Variants in SVEP1 observed in about 807,000 individuals in gnomAD.
SVEP1 encodes the protein sushi, von Willebrand factor type A, EGF and pentraxin domain containing 1, also known as sushi, von Willebrand factor type A, EGF and pentraxin domain-containing protein 1.
In SVEP1, 164 loss-of-function variants were observed where a neutral mutation model predicts 367.3. That is an observed-to-expected ratio of 0.45 (90% CI 0.39 to 0.51). The LOEUF (loss-of-function observed/expected upper bound fraction) is 0.51, where lower values mean the gene tolerates loss of function less well. SVEP1 is among the 20% of genes least tolerant of loss of function. The pLI is 0.00. For synonymous variants in SVEP1, 1,666 were observed against 1,611.6 expected (o/e 1.03, Z -0.81); for missense variants, 4,117 against 4,425.3 (o/e 0.93, Z 1.98).
At chr9:110,394,687 G>A (rs7855687) in intron 40 of SVEP1, among the ~76,000 whole-genome samples, 40,035 of 152,094 alleles carry the variant, frequency 0.26, 5,614 homozygotes, top group Middle Eastern at 0.38. Context: ...ACCAAGGCAC[G>A]AGAACTACGT....
At chr9:110,463,050 A>G (rs1260526682) in intron 18 of SVEP1, among the ~76,000 whole-genome samples, 1 of 152,074 alleles carries the variant, frequency 6.6e-6, no homozygotes, top group Non-Finnish European at 1.5e-5. Context: ...TGTACACCTT[A>G]ATTATAGATC....
At chr9:110,470,105 T>C (rs938264371) in intron 16 of SVEP1, among the ~76,000 whole-genome samples, 1 of 152,118 alleles carries the variant, frequency 6.6e-6, no homozygotes, top group African/African-American at 2.4e-5. Context: ...GATTTCCTTA[T>C]CTATAAATGA....
At chr9:110,512,849 G>C (rs1423431861) in intron 5 of SVEP1, 77 bp downstream of exon 5, 3 of 1,524,076 alleles carry the variant, frequency 2.0e-6, no homozygotes, top group Non-Finnish European at 1.8e-6. Flanking sequence ...ATGAAGAACT[G>C]ACTGGTTTAC....
At chr9:110,464,326 A>G (rs1828904015) in intron 18 of SVEP1, among the ~76,000 whole-genome samples, 1 of 152,238 alleles carries the variant, frequency 6.6e-6, no homozygotes, top group African/African-American at 2.4e-5. Flanking sequence ...GTTGATGAAT[A>G]TTACTTGCCC....
chr9:110,406,403 G>A lies in SVEP1; in HGVS notation c.9197C>T (p.Ser3066Phe), dbSNP rs1347166860. ...GAACGCATTTGGTATCATTGGAAGAGAACCACAAGAAGTGTGTTCACAGTG... is the reference window on the plus strand; with the variant it reads ...GAACGCATTTGGTATCATTGGAAGAAAACCACAAGAAGTGTGTTCACAGTG... ...FPHCEHTSCG[S>F]LPMIPNAFIS... is the part of the protein sequence containing the mutation. The change falls in exon 38 of 48, where the codon TCT (serine) becomes TTT (phenylalanine). Residue 3066 changes from serine to phenylalanine, a missense_variant. Ser to Phe is a radical substitution (Grantham distance 155, BLOSUM62 -2). Around this residue, in one of 4 missense-constraint regions of SVEP1, gnomAD observed 1,765 missense variants for 1,781.1 expected, o/e 0.99. Transcript: ENST00000374469. 3 of 1,613,932 alleles carry A rather than the reference G, an allele frequency of 1.9e-6. No homozygotes were observed. In the Admixed American group the frequency reaches 5.0e-5, roughly 27 times the overall value.
chr9:110,566,547 T>G (rs1419623062), intron 1 of SVEP1, among the ~76,000 whole-genome samples: 1 of 152,068 alleles, frequency 6.6e-6, no homozygotes, highest in Non-Finnish European at 1.5e-5. Flanking sequence ...CCAATTACAA[T>G]GCAACCAACA....
At chr9:110,470,338 A>C (rs1221703127) in intron 16 of SVEP1, among the ~76,000 whole-genome samples, 4 of 152,072 alleles carry the variant, frequency 2.6e-5, no homozygotes, top group African/African-American at 4.8e-5. Flanking sequence ...AAAATGGTTA[A>C]TTTTATGTTA....
chr9:110,390,355 A>ATAAGTATGTG (rs1452479835), intron 40 of SVEP1, among the ~76,000 whole-genome samples: 3,801 of 111,522 alleles, frequency 0.034, 747 homozygotes, highest in Non-Finnish European at 0.049. Context: ...ATACACTTAT[A>ATAAGTATGTG]TATATATACT....
At chr9:110,548,934 G>A (rs1830251337) in intron 2 of SVEP1, among the ~76,000 whole-genome samples, 1 of 152,168 alleles carries the variant, frequency 6.6e-6, no homozygotes, top group African/African-American at 2.4e-5. Context: ...ACCAGCCTGA[G>A]CAACATAGCG....
chr9:110,435,525 T>C (rs1217622786), intron 28 of SVEP1, among the ~76,000 whole-genome samples, 161 bp from the exon 29 acceptor site: 1 of 152,174 alleles, frequency 6.6e-6, no homozygotes, highest in Non-Finnish European at 1.5e-5. Flanking sequence ...TCTCTTCTGT[T>C]TCCCTCTCTC....
chr9:110,570,678 A>C (rs1307278942), intron 1 of SVEP1, among the ~76,000 whole-genome samples: 2 of 152,090 alleles, frequency 1.3e-5, no homozygotes, highest in East Asian at 3.9e-4. Context: ...ACGGGGTTTC[A>C]CTATGTTGGC....
At chr9:110,380,573 G>A (rs569334273) in intron 43 of SVEP1, among the ~76,000 whole-genome samples, 24 of 152,228 alleles carry the variant, frequency 1.6e-4, no homozygotes, top group Non-Finnish European at 2.6e-4. Context: ...GCTTTTTGAT[G>A]TGCTGCTGGA....
intron 18 of SVEP1, among the ~76,000 whole-genome samples, chr9:110,461,879 A>G (rs926749348): frequency 6.6e-6 from 1 of 152,194 alleles, no homozygotes; most frequent in Non-Finnish European, 1.5e-5. Context: ...TGATTGATAG[A>G]TCTCAGAGTG....
chr9:110,425,489 G>C (rs1277335227), intron 36 of SVEP1, among the ~76,000 whole-genome samples: 2 of 152,200 alleles, frequency 1.3e-5, no homozygotes, highest in African/African-American at 4.8e-5. Flanking sequence ...GGGCCTGTAA[G>C]AGAATGTGGC....
At chr9:110,443,452 A>G in intron 27 of SVEP1, 93 bp downstream of exon 27, 1 of 1,157,090 alleles carries the variant, frequency 8.6e-7, no homozygotes, top group Non-Finnish European at 1.1e-6. Context: ...TTTGTTTGAA[A>G]CCAAGAACAA....
chr9:110,388,690 C>T (rs373653298), intron 41 of SVEP1, among the ~76,000 whole-genome samples: 25 of 152,218 alleles, frequency 1.6e-4, no homozygotes, highest in African/African-American at 5.1e-4. Flanking sequence ...GATGCTGTGC[C>T]GGGCATGGTG....
intron 3 of SVEP1, among the ~76,000 whole-genome samples, chr9:110,536,010 G>C (rs1221276558): frequency 6.6e-6 from 1 of 152,026 alleles, no homozygotes; most frequent in Non-Finnish European, 1.5e-5. Flanking sequence ...TGTTTAATAG[G>C]AGTGGTGAGA....
At chr9:110,471,079 T>G (rs1829009465) in intron 16 of SVEP1, among the ~76,000 whole-genome samples, 1 of 152,128 alleles carries the variant, frequency 6.6e-6, no homozygotes, top group South Asian at 2.1e-4. Context: ...AATACAGAAG[T>G]GGTCAAAAAG....
chr9:110,377,590 A>G (rs1174422030), intron 44 of SVEP1, among the ~76,000 whole-genome samples: 1 of 152,218 alleles, frequency 6.6e-6, no homozygotes, highest in African/African-American at 2.4e-5. Context: ...AGGTGCAACA[A>G]ATAAAAATTG....
Sources: gnomAD v4.1 joint callset for allele counts (sites outside exome capture counted in the v4.1 genomes callset) on GRCh38, gnomAD v4.1.1 for gene constraint, gnomAD v4.1.1 regional missense constraint, MANE v1.5 for transcripts, NCBI Gene and HGNC (gene_info 2026-07-23, HGNC 2026-07-21) for gene names.